The following SLC11A2 variants were observed in gnomAD, a reference collection of about 807,000 sequenced individuals.
The protein encoded by SLC11A2 is solute carrier family 11 member 2, also known as natural resistance-associated macrophage protein 2.
In SLC11A2, 38 loss-of-function variants were observed where a neutral mutation model predicts 68.0. The ratio of observed to expected loss-of-function variants is 0.56; its 90% CI spans 0.43 to 0.73. SLC11A2 has a LOEUF of 0.73. SLC11A2 is among the 30% of genes least tolerant of loss of function. The pLI is 0.00. For missense variants in SLC11A2, 517 were observed against 690.5 expected, an observed-to-expected ratio of 0.75 and a Z score of 2.82; for synonymous variants, 242 against 250.6, an observed-to-expected ratio of 0.97 and a Z score of 0.32.
At chr12:50,984,819 C>T (rs1413353229), downstream of SLC11A2, among the ~76,000 whole-genome samples, 2 of 152,180 alleles carry the variant, frequency 1.3e-5, no homozygotes, top group East Asian at 3.8e-4. Flanking sequence ...TAGCACTAAT[C>T]AGAGTATGAA....
the SLC11A2 span, among the ~76,000 whole-genome samples, chr12:50,968,200 A>T: frequency 1.3e-5 from 2 of 152,198 alleles, no homozygotes; most frequent in Non-Finnish European, 2.9e-5. Flanking sequence ...TTGGCTAAAC[A>T]GTTTATGCGA....
chr12:50,985,258 T>G (rs1940431889), downstream of SLC11A2, among the ~76,000 whole-genome samples: 1 of 152,166 alleles, frequency 6.6e-6, no homozygotes, highest in Admixed American at 6.5e-5. Context: ...CAAAACAGGA[T>G]CCTCACATTG....
At chr12:51,011,773 C>A (rs765758103) in intron 1 of SLC11A2, among the ~76,000 whole-genome samples, 2 of 151,388 alleles carry the variant, frequency 1.3e-5, no homozygotes, top group Non-Finnish European at 2.9e-5. Flanking sequence ...ATGTTGGCCA[C>A]GCTGGTCTCA....
chr12:50,999,553 A>G, intron 6 of SLC11A2, 138 bp from the exon 7 acceptor site: 1 of 734,544 alleles, frequency 1.4e-6, no homozygotes, highest in Non-Finnish European at 2.4e-6. Flanking sequence ...AATGGCAGAA[A>G]ACTAGGCCTT....
At chr12:50,957,937 G>GGTGTGTGTGTGTGTGTGTGTGTGTGT in the SLC11A2 span, among the ~76,000 whole-genome samples, 5 of 132,408 alleles carry the variant, frequency 3.8e-5, no homozygotes, top group African/African-American at 1.1e-4. Context: ...ATGAATTGGA[G>GGTGTGTGTGTGTGTGTGTGTGTGTGT]GTGTGTGTGT....
At chr12:51,016,921 G>C (rs1943706938) in intron 1 of SLC11A2, among the ~76,000 whole-genome samples, 1 of 150,694 alleles carries the variant, frequency 6.6e-6, no homozygotes, top group African/African-American at 2.4e-5. Flanking sequence ...GCTAAGGTGG[G>C]AGGATCACCT....
downstream of SLC11A2, among the ~76,000 whole-genome samples, chr12:50,985,026 C>G (rs371678406): frequency 1.3e-5 from 2 of 152,138 alleles, no homozygotes; most frequent in Non-Finnish European, 2.9e-5. Context: ...TACTTTTGGC[C>G]TTCCAGTTGA....
At chr12:50,961,172 T>C in the SLC11A2 span, 7 of 1,460,112 alleles carry the variant, frequency 4.8e-6, no homozygotes, top group East Asian at 4.6e-5. Context: ...TATTCATTCA[T>C]AGTAGAAGAT....
chr12:50,976,013 C>CA (rs1179019880), downstream of SLC11A2, among the ~76,000 whole-genome samples: 1 of 151,970 alleles, frequency 6.6e-6, no homozygotes, highest in African/African-American at 2.4e-5. Flanking sequence ...GCTTACCAAC[C>CA]AAAAAAAGTC....
chr12:50,971,074 T>C, the SLC11A2 span, among the ~76,000 whole-genome samples: 1 of 152,086 alleles, frequency 6.6e-6, no homozygotes, highest in Admixed American at 6.6e-5. Flanking sequence ...GAGATGGGGT[T>C]TCATCATGTT....
chr12:50,972,687 G>A, the SLC11A2 span, among the ~76,000 whole-genome samples: 2 of 152,252 alleles, frequency 1.3e-5, no homozygotes, highest in Admixed American at 1.3e-4. Context: ...CCGAAGCAGG[G>A]CGAGGCATCG....
intron 4 of SLC11A2, 121 bp from the exon 5 acceptor site, chr12:51,005,028 G>A: frequency 2.5e-6 from 3 of 1,202,860 alleles, no homozygotes; most frequent in Non-Finnish European, 3.6e-6. Flanking sequence ...CCCAGGTCAA[G>A]AATCAAATGA....
chr12:51,027,522 G>A (rs117218311), upstream of SLC11A2, among the ~76,000 whole-genome samples: 8 of 151,528 alleles, frequency 5.3e-5, no homozygotes, highest in East Asian at 1.4e-3. Context: ...TTTCCTCCTC[G>A]CCCAGCTGAC....
the SLC11A2 span, among the ~76,000 whole-genome samples, chr12:50,969,172 T>C: frequency 6.6e-6 from 1 of 151,700 alleles, no homozygotes; most frequent in Admixed American, 6.6e-5. Context: ...CGCACACCTA[T>C]AGTCCCAGCT....
chr12:51,017,819 C>G (rs1482339492), intron 1 of SLC11A2, among the ~76,000 whole-genome samples: 2 of 152,146 alleles, frequency 1.3e-5, no homozygotes, highest in African/African-American at 4.8e-5. Flanking sequence ...AATCCCCTCT[C>G]AGGAAAGCAT....
chr12:51,025,193 G>A (rs1944298256), intron 1 of SLC11A2, among the ~76,000 whole-genome samples: 2 of 152,162 alleles, frequency 1.3e-5, no homozygotes, highest in Non-Finnish European at 2.9e-5. Flanking sequence ...GTTCACTGGT[G>A]ATAAGTCATG....
At chr12:51,005,472 C>T (rs1004453045) in intron 3 of SLC11A2, 36 bp from the exon 4 acceptor site, 2 of 1,611,200 alleles carry the variant, frequency 1.2e-6, no homozygotes, top group African/African-American at 2.7e-5. Flanking sequence ...AACTGAACAT[C>T]ACCATTGAAC....
chr12:50,990,811 C>T lies in SLC11A2; in HGVS notation c.1559G>A (p.Gly520Asp). 1 of 1,614,014 alleles carries T rather than the reference C, an allele frequency of 6.2e-7. No individual in the cohort carries two copies. Among genetic ancestry groups the T allele is most frequent in the Non-Finnish European group, 8.5e-7 (1 of 1,179,964 alleles). Reference sequence around the variant, plus strand: ...TAGACTTACCAAGTAGAACACAAAGCCCAGATAAGCCACGCTGACCACAGC... The same window carrying T: ...TAGACTTACCAAGTAGAACACAAAGTCCAGATAAGCCACGCTGACCACAGC... ...VAAVVSVAYLGFVFYLGWQCL... is the reference protein window; with the variant it reads ...VAAVVSVAYLDFVFYLGWQCL... The change falls in exon 15 of 16, where the codon GGC (glycine) becomes GAC (aspartate). Residue 520 changes from glycine (G) to aspartate (D), a missense_variant. Physicochemically the swap from Gly to Asp is moderately conservative, Grantham distance 94. Coordinates refer to ENST00000262052, the MANE Select transcript of SLC11A2 (RefSeq NM_000617.3).
chr12:50,996,681 A>T, intron 9 of SLC11A2, 136 bp downstream of exon 9: 1 of 843,570 alleles, frequency 1.2e-6, no homozygotes, highest in Non-Finnish European at 2.0e-6. Context: ...TATGGAGTTT[A>T]TAAATGTCCA....
Sources: gnomAD v4.1 joint callset for allele counts (sites outside exome capture counted in the v4.1 genomes callset) on GRCh38, gnomAD v4.1.1 for gene constraint, MANE v1.5 for transcripts, NCBI Gene and HGNC (gene_info 2026-07-23, HGNC 2026-07-21) for gene names.